The following PXDNL variants were observed in gnomAD, a reference collection of about 807,000 sequenced individuals.
PXDNL encodes probable oxidoreductase PXDNL.
Under a neutral mutation model 150.8 loss-of-function variants are expected in PXDNL, and 145 were observed. The ratio of observed to expected loss-of-function variants is 0.96; its 90% CI spans 0.84 to 1.10. PXDNL has a LOEUF of 1.10. PXDNL is among the 50% of genes least tolerant of loss of function. The pLI, the probability that PXDNL is intolerant of heterozygous loss-of-function variation, is 0.00. For synonymous variants in PXDNL, 757 were observed against 725.7 expected (o/e 1.04, Z -0.69); for missense variants, 2,087 against 1,873.9 (o/e 1.11, Z -2.10).
intron 2 of PXDNL, among the ~76,000 whole-genome samples, chr8:51,627,636 C>T (rs888984210): frequency 2.0e-5 from 3 of 152,150 alleles, no homozygotes; most frequent in African/African-American, 4.8e-5. Context: ...AAACCAACTT[C>T]GTCAGAACTC....
At chr8:51,668,176 C>T (rs866463251) in intron 1 of PXDNL, among the ~76,000 whole-genome samples, 2,779 of 77,606 alleles carry the variant, frequency 0.036, 83 homozygotes, top group Middle Eastern at 0.061. Context: ...CTCGCTCTCT[C>T]TTTTTTTTTT....
At chr8:51,400,437 GT>G (rs1808212714) in intron 17 of PXDNL, among the ~76,000 whole-genome samples, 3 of 152,140 alleles carry the variant, frequency 2.0e-5, no homozygotes, top group African/African-American at 7.2e-5. Flanking sequence ...TGCTCAACCT[GT>G]TTATAACTTC....
rs1463020346 is a variant in PXDNL, at chr8:51,449,062, C to T, written c.1306G>A (p.Val436Ile). ...CCGTCAGCTTCACAGAGCCACTCTACAGCATGTTCTTCCAGCACCACTTGA... is the reference window on the plus strand; with the variant it reads ...CCGTCAGCTTCACAGAGCCACTCTATAGCATGTTCTTCCAGCACCACTTGA... The part of the protein sequence containing the change: ...KDQVVLEEHA[V>I]EWLCEADGNP... The change falls in exon 11 of 23, where the codon GTA becomes ATA. Residue 436 changes from valine to isoleucine, a missense_variant. Physicochemically the swap from Val to Ile is conservative, Grantham distance 29. Coordinates refer to ENST00000356297, the MANE Select transcript of PXDNL (RefSeq NM_144651.5). 1.9e-6 allele frequency: 3 copies of T among 1,553,398 alleles called. No homozygotes were observed. The highest frequency in any genetic ancestry group is 2.0e-5 in the Admixed American group (1 of 51,180).
At chr8:51,746,424 G>C (rs903940125) in intron 1 of PXDNL, among the ~76,000 whole-genome samples, 6 of 152,256 alleles carry the variant, frequency 3.9e-5, no homozygotes, top group South Asian at 2.1e-4. Flanking sequence ...TCTTCATCTA[G>C]AACAGGCAGA....
At chr8:51,698,694 C>G (rs10091454) in intron 1 of PXDNL, among the ~76,000 whole-genome samples, 115,397 of 152,144 alleles carry the variant, frequency 0.76, 43,823 homozygotes, top group East Asian at 0.82. Flanking sequence ...TTTCCAGAAA[C>G]CTTTCAATTT....
chr8:51,579,077 G>T (rs575166422), intron 3 of PXDNL, among the ~76,000 whole-genome samples: 16 of 151,988 alleles, frequency 1.1e-4, no homozygotes, highest in Non-Finnish European at 1.8e-4. Flanking sequence ...GACACCAAAG[G>T]TGTAACCCAT....
intron 17 of PXDNL, among the ~76,000 whole-genome samples, chr8:51,401,635 C>G (rs1808250314): frequency 6.6e-6 from 1 of 152,174 alleles, no homozygotes; most frequent in Non-Finnish European, 1.5e-5. Context: ...GAGAGAAGCA[C>G]CCTTTTCCTA....
chr8:51,424,329 A>G (rs1203523256), intron 13 of PXDNL, among the ~76,000 whole-genome samples: 1 of 152,198 alleles, frequency 6.6e-6, no homozygotes, highest in Non-Finnish European at 1.5e-5. Flanking sequence ...TGATCATGCC[A>G]CTGTACTGTA....
chr8:51,790,966 CTCTGGG>C (rs2037507408), intron 1 of PXDNL, among the ~76,000 whole-genome samples: 3 of 151,408 alleles, frequency 2.0e-5, no homozygotes, highest in Admixed American at 2.0e-4. Context: ...CCATTTTCAC[CTCTGGG>C]TTTTAATGGA....
At chr8:51,517,852 A>G (rs564224457) in intron 4 of PXDNL, among the ~76,000 whole-genome samples, 1 of 152,328 alleles carries the variant, frequency 6.6e-6, no homozygotes, top group South Asian at 2.1e-4. Flanking sequence ...GCCCTTCTAA[A>G]TTAACAGCTA....
intron 1 of PXDNL, among the ~76,000 whole-genome samples, chr8:51,657,222 T>C (rs1051646128): frequency 5.3e-5 from 8 of 152,198 alleles, no homozygotes; most frequent in Non-Finnish European, 1.2e-4. Context: ...ATCAAAATTG[T>C]AACCATTTCA....
intron 21 of PXDNL, among the ~76,000 whole-genome samples, chr8:51,330,279 A>G (rs567675529): frequency 6.6e-6 from 1 of 152,320 alleles, no homozygotes; most frequent in Non-Finnish European, 1.5e-5. Flanking sequence ...GTTGCAGGGG[A>G]AAGAATCTGT....
At chr8:51,469,728 G>T (rs1359113693) in intron 8 of PXDNL, among the ~76,000 whole-genome samples, 1 of 151,874 alleles carries the variant, frequency 6.6e-6, no homozygotes, top group Non-Finnish European at 1.5e-5. Flanking sequence ...AAAATAATTT[G>T]CTATACCACA....
Position 51,693,372 on chromosome 8 carries a change from T to C in PXDNL, c.165-38612A>G, listed in dbSNP as rs1816041369. 3.3e-5 allele frequency among the ~76,000 whole-genome samples: 5 copies of C among 152,252 alleles called. No homozygotes were observed. In the South Asian group the frequency reaches 8.3e-4, roughly 25 times the overall value. On this transcript the variant is annotated intron_variant, in intron 1 of 22. Transcript: ENST00000356297. The stretch of plus-strand genomic sequence containing the variant: ...GATCAGTAGCAATACAAGGTATTTA[T>C]TTCATGAGAAACACTAGGTTTATGC...
rs1477861443 is a variant in PXDNL, at chr8:51,744,940, G to A, written c.164+64241C>T. ...AAGGAAAGAAAGAAAAAGAAAGAAA[G>A]AAAGAAAGAAAGAAAGAAAGAAAGA... On this transcript the variant is annotated intron_variant, in intron 1 of 22. Transcript: ENST00000356297. Among the ~76,000 whole-genome samples, 3 of 4,706 alleles carry A rather than the reference G, an allele frequency of 6.4e-4. 1 individual carries two copies. The Non-Finnish European group carries it at 0.027, about 43-fold the overall frequency. The allele number at this position is 4,706 out of a possible 152,430, so 3.1% of individuals were successfully genotyped here.
intron 17 of PXDNL, among the ~76,000 whole-genome samples, chr8:51,402,904 TACAC>T (rs55768775): frequency 0.062 from 9,047 of 146,088 alleles, 440 homozygotes; most frequent in African/African-American, 0.14. Flanking sequence ...CTACTAAAAA[TACAC>T]ACACACACAC....
At chr8:51,740,671 G>C (rs1047785486) in intron 1 of PXDNL, among the ~76,000 whole-genome samples, 2 of 151,934 alleles carry the variant, frequency 1.3e-5, no homozygotes, top group South Asian at 2.1e-4. Flanking sequence ...ACTTTTTAAT[G>C]GGGTTGTTTT....
chr8:51,778,130 A>T (rs2037372663), intron 1 of PXDNL, among the ~76,000 whole-genome samples: 1 of 152,146 alleles, frequency 6.6e-6, no homozygotes, highest in African/African-American at 2.4e-5. Context: ...AGGTCAGGAG[A>T]TCGAGACCAT....
intron 4 of PXDNL, among the ~76,000 whole-genome samples, chr8:51,514,552 C>G (rs1328778451): frequency 6.6e-6 from 1 of 152,202 alleles, no homozygotes; most frequent in East Asian, 1.9e-4. Context: ...ACCAATCCTT[C>G]AGGTAGCATC....
Sources: allele counts gnomAD v4.1 joint callset (sites outside exome capture counted in the v4.1 genomes callset), GRCh38; gene constraint gnomAD v4.1.1; transcripts MANE v1.5; gene names NCBI Gene and HGNC (gene_info 2026-07-23, HGNC 2026-07-21).